The following CLVS1 variants were observed in gnomAD, a reference collection of about 807,000 sequenced individuals.
CLVS1 encodes the protein clavesin 1.
In CLVS1, 10 loss-of-function variants were observed where a neutral mutation model predicts 33.1. That is an observed-to-expected ratio of 0.30 (90% CI 0.19 to 0.51). CLVS1 has a LOEUF of 0.51. Ranked by LOEUF, CLVS1 falls within the 20% of genes least tolerant of loss-of-function variation. The probability of loss-of-function intolerance (pLI) is 0.97; values close to 1 mark genes in which losing one functional copy is unlikely to be tolerated. For missense variants in CLVS1, 343 were observed against 433.4 expected, an observed-to-expected ratio of 0.79 and a Z score of 1.85; for synonymous variants, 163 against 166.1, an observed-to-expected ratio of 0.98 and a Z score of 0.14.
At chr8:61,383,823 C>T (rs1048791678) in intron 3 of CLVS1, among the ~76,000 whole-genome samples, 18 of 152,190 alleles carry the variant, frequency 1.2e-4, no homozygotes, top group African/African-American at 4.1e-4. Flanking sequence ...ACCTCACCAG[C>T]CCTCTGATTC....
intron 2 of CLVS1, among the ~76,000 whole-genome samples, chr8:61,314,024 G>A (rs1398053532): frequency 6.6e-6 from 1 of 152,134 alleles, no homozygotes; most frequent in African/African-American, 2.4e-5. Context: ...ATGACTCATC[G>A]CTTTCTCTCA....
At chr8:61,259,529 G>A (rs1809154630) in intron 2 of CLVS1, among the ~76,000 whole-genome samples, 1 of 152,208 alleles carries the variant, frequency 6.6e-6, no homozygotes, top group African/African-American at 2.4e-5. Context: ...GTCCTGTGTA[G>A]AGTTTGATTA....
intron 1 of CLVS1, among the ~76,000 whole-genome samples, chr8:61,097,285 C>A (rs1348404753): frequency 6.6e-6 from 1 of 150,488 alleles, no homozygotes; most frequent in South Asian, 2.1e-4. Context: ...GAGTGAGACT[C>A]CATCTCAAAA....
At chr8:60,995,695 A>G in the CLVS1 span, among the ~76,000 whole-genome samples, 454 of 152,356 alleles carry the variant, frequency 3.0e-3, 2 homozygotes, top group Non-Finnish European at 5.0e-3. Flanking sequence ...TCATGCTGCT[A>G]TAAAGACACA....
At chr8:61,264,296 T>C (rs1347304338) in intron 2 of CLVS1, among the ~76,000 whole-genome samples, 1 of 151,994 alleles carries the variant, frequency 6.6e-6, no homozygotes, top group Non-Finnish European at 1.5e-5. Flanking sequence ...TTCTCTGAGT[T>C]TAACGATATG....
At chr8:61,496,968 T>C (rs934214773) in intron 5 of CLVS1, among the ~76,000 whole-genome samples, 1 of 152,192 alleles carries the variant, frequency 6.6e-6, no homozygotes, top group Non-Finnish European at 1.5e-5. Context: ...TGGAAAAAAC[T>C]AAGGGTTGTG....
intron 2 of CLVS1, among the ~76,000 whole-genome samples, chr8:61,166,493 A>T (rs1397364102): frequency 6.6e-6 from 1 of 152,086 alleles, no homozygotes; most frequent in East Asian, 1.9e-4. Context: ...ATGTCATTTG[A>T]GACATAAATT....
intron 2 of CLVS1, among the ~76,000 whole-genome samples, chr8:61,252,405 T>C (rs1808969180): frequency 6.6e-6 from 1 of 152,162 alleles, no homozygotes; most frequent in African/African-American, 2.4e-5. Context: ...TGATTTGGGG[T>C]GGAGAGTTCT....
At chr8:61,003,359 G>T in the CLVS1 span, among the ~76,000 whole-genome samples, 24,882 of 152,132 alleles carry the variant, frequency 0.16, 2,271 homozygotes, top group African/African-American at 0.24. Flanking sequence ...CAACACAGGG[G>T]TCAACTCAAC....
chr8:61,375,843 C>A (rs1016691747), intron 2 of CLVS1, among the ~76,000 whole-genome samples: 1 of 152,164 alleles, frequency 6.6e-6, no homozygotes, highest in African/African-American at 2.4e-5. Context: ...ATCACTTCTT[C>A]ATGTCTGAAA....
chr8:61,263,072 G>A (rs1025087105), intron 2 of CLVS1, among the ~76,000 whole-genome samples: 1 of 152,180 alleles, frequency 6.6e-6, no homozygotes, highest in Non-Finnish European at 1.5e-5. Context: ...GAGCCAGAAA[G>A]AGTCACCTCC....
chr8:61,347,328 T>G (rs1162601212), intron 2 of CLVS1, among the ~76,000 whole-genome samples: 1 of 152,014 alleles, frequency 6.6e-6, no homozygotes, highest in Non-Finnish European at 1.5e-5. Context: ...GAGATGAAGA[T>G]GACTGAATTA....
rs1390932852 is a variant in CLVS1 at position 61,458,440 on chromosome 8, A to G, written c.875A>G (p.Tyr292Cys). The change falls in exon 5 of 6, where the codon TAC (tyrosine) becomes TGC (cysteine). Residue 292 changes from tyrosine (Y) to cysteine (C), a missense_variant. By Grantham distance (194) the Tyr-to-Cys change is radical. Transcript: ENST00000325897. ...TWARTLLGPD[Y>C]SDENDYTHTS... is the part of the protein sequence containing the mutation. ...GCCCGGACGTTACTCGGTCCCGACT[A>G]CAGCGATGAAAATGACTATACTCAC... is the stretch of plus-strand genomic sequence containing the variant. The G allele has an allele frequency of 3.1e-6, 5 of 1,614,064 alleles. No homozygotes were observed. Among genetic ancestry groups the G allele is most frequent in the Non-Finnish European group, 4.2e-6 (5 of 1,179,962 alleles).
the CLVS1 span, among the ~76,000 whole-genome samples, chr8:60,972,364 G>A: frequency 6.6e-6 from 1 of 152,086 alleles, no homozygotes; most frequent in Non-Finnish European, 1.5e-5. Flanking sequence ...AAAATTTAGT[G>A]CATAGTTTAA....
chr8:61,368,218 T>C (rs1813293391), intron 2 of CLVS1, among the ~76,000 whole-genome samples: 1 of 152,192 alleles, frequency 6.6e-6, no homozygotes, highest in Non-Finnish European at 1.5e-5. Flanking sequence ...TGATACATAC[T>C]CTATTTCTCC....
At chr8:61,000,892 C>T in the CLVS1 span, among the ~76,000 whole-genome samples, 3 of 152,170 alleles carry the variant, frequency 2.0e-5, no homozygotes, top group Non-Finnish European at 4.4e-5. Flanking sequence ...AGGGAGTCCA[C>T]TTCTGAACCA....
At chr8:61,068,131 C>T (rs1804716075) in intron 1 of CLVS1, among the ~76,000 whole-genome samples, 1 of 150,496 alleles carries the variant, frequency 6.6e-6, no homozygotes, top group Non-Finnish European at 1.5e-5. Flanking sequence ...CTGATTGCAC[C>T]ACTGCACTCC....
At chr8:61,014,283 C>G in the CLVS1 span, among the ~76,000 whole-genome samples, 11 of 152,090 alleles carry the variant, frequency 7.2e-5, no homozygotes, top group Admixed American at 7.2e-4. Context: ...CTCCCATCAC[C>G]ATGGGCTACG....
intron 2 of CLVS1, among the ~76,000 whole-genome samples, chr8:61,191,996 T>C (rs1031280051): frequency 6.6e-6 from 1 of 152,186 alleles, no homozygotes; most frequent in Non-Finnish European, 1.5e-5. Context: ...AAGCTACCAA[T>C]AACTTTCTTC....
Sources: allele counts gnomAD v4.1 joint callset (sites outside exome capture counted in the v4.1 genomes callset), GRCh38; gene constraint gnomAD v4.1.1; transcripts MANE v1.5; gene names NCBI Gene and HGNC (gene_info 2026-07-23, HGNC 2026-07-21).